PARD3B: variants seen among roughly 807,000 people sequenced by gnomAD.
The protein encoded by PARD3B is partitioning defective 3 homolog B.
In PARD3B, 103 loss-of-function variants were observed where a neutral mutation model predicts 130.2. The ratio of observed to expected loss-of-function variants is 0.79; its 90% confidence interval spans 0.67 to 0.93. PARD3B has a LOEUF of 0.93. Among genes scored for constraint, PARD3B ranks in the 40% least tolerant of loss-of-function variants. The probability of loss-of-function intolerance (pLI) is 0.00; values close to 1 mark genes in which losing one functional copy is unlikely to be tolerated. For synonymous variants in PARD3B, 583 were observed against 553.2 expected (o/e 1.05, Z -0.76); for missense variants, 1,609 against 1,499.2 (o/e 1.07, Z -1.21).
At chr2:204,548,066 AT>A (rs944048175) in intron 1 of PARD3B, among the ~76,000 whole-genome samples, 3 of 152,054 alleles carry the variant, frequency 2.0e-5, no homozygotes, top group African/African-American at 4.8e-5. Flanking sequence ...GTAGGTGATG[AT>A]TTTTCCCCTC....
chr2:205,052,482 G>C (rs894026717), intron 4 of PARD3B, among the ~76,000 whole-genome samples: 2 of 144,356 alleles, frequency 1.4e-5, no homozygotes, highest in African/African-American at 5.1e-5. Context: ...CAGATTTGGG[G>C]GTTGTTAAAT....
At position 204,887,687 on chromosome 2, in the gene PARD3B, G is replaced by C. The variant is rs948500901; in HGVS notation, c.223-77465G>C. 1.3e-5 allele frequency among the ~76,000 whole-genome samples: 2 copies of C among 152,022 alleles called. No individual in the cohort carries two copies. Among genetic ancestry groups the C allele is most frequent in the South Asian group, 2.1e-4 (1 of 4,822 alleles). On this transcript the variant is annotated intron_variant, in intron 2 of 22. Transcript: ENST00000406610. The surrounding 1 kb of genome is among the most constrained non-coding windows in gnomAD (Gnocchi z 4.2). ...TATGCAGCGCCATTTCATACCCTTT[G>C]GGTATTTTAGCAATTTGAAATCACA...
intron 21 of PARD3B, among the ~76,000 whole-genome samples, chr2:205,509,175 T>C (rs2050493464): frequency 6.6e-6 from 1 of 151,982 alleles, no homozygotes; most frequent in African/African-American, 2.4e-5. Flanking sequence ...GTTCCAGAAG[T>C]CCATTTAGAA....
At chr2:204,645,645 C>T (rs968879083) in intron 1 of PARD3B, among the ~76,000 whole-genome samples, 1 of 152,030 alleles carries the variant, frequency 6.6e-6, no homozygotes, top group Non-Finnish European at 1.5e-5. Context: ...ATCATAGTAG[C>T]CCATTCTTGT....
chr2:205,434,849 C>G (rs1438338254), intron 19 of PARD3B, among the ~76,000 whole-genome samples: 1 of 146,676 alleles, frequency 6.8e-6, no homozygotes, highest in African/African-American at 2.5e-5. Flanking sequence ...CATTTTTATT[C>G]ACTACAACTT....
At chr2:205,581,269 T>TAGATATAGATAGATATAGAC (rs2053962164) in intron 22 of PARD3B, among the ~76,000 whole-genome samples, 1 of 139,552 alleles carries the variant, frequency 7.2e-6, no homozygotes, top group Non-Finnish European at 1.5e-5. Context: ...TAGATATAGA[T>TAGATATAGATAGATATAGAC]AGATAGATAT....
chr2:205,598,706 C>T (rs1304165694), intron 22 of PARD3B, among the ~76,000 whole-genome samples: 2 of 152,128 alleles, frequency 1.3e-5, no homozygotes, highest in Non-Finnish European at 2.9e-5. Flanking sequence ...AGATCGGCCA[C>T]GTGCTTGGCC....
intron 21 of PARD3B, among the ~76,000 whole-genome samples, chr2:205,535,140 A>AGAGGATAC (rs2051788808): frequency 6.6e-6 from 1 of 152,204 alleles, no homozygotes; most frequent in African/African-American, 2.4e-5. Context: ...TGTTTCCACC[A>AGAGGATAC]GAGGATACCA....
At chr2:205,371,021 A>G (rs911586673) in intron 18 of PARD3B, among the ~76,000 whole-genome samples, 2 of 152,166 alleles carry the variant, frequency 1.3e-5, no homozygotes, top group African/African-American at 4.8e-5. Context: ...ACCTTCTGTG[A>G]CATTGCTTGG....
chr2:204,960,233 G>A (rs1232901842), intron 2 of PARD3B, among the ~76,000 whole-genome samples: 1 of 152,136 alleles, frequency 6.6e-6, no homozygotes, highest in Non-Finnish European at 1.5e-5. Flanking sequence ...AATCAAAGTG[G>A]TGTATTGGCA....
intron 2 of PARD3B, among the ~76,000 whole-genome samples, chr2:204,879,886 T>G (rs1271317782): frequency 6.6e-6 from 1 of 152,226 alleles, no homozygotes; most frequent in African/African-American, 2.4e-5. Flanking sequence ...AGTGCTGGAT[T>G]GAGTATCCAA....
At position 204,610,384 on chromosome 2, in the gene PARD3B, C is replaced by A. The variant is rs951216889; in HGVS notation, c.120+64265C>A. Among the ~76,000 whole-genome samples the A allele has an allele frequency of 6.6e-6, 1 of 152,214 alleles. No homozygotes were observed. Among genetic ancestry groups the A allele is most frequent in the African/African-American group, 2.4e-5 (1 of 41,450 alleles). On this transcript the variant is annotated intron_variant, in intron 1 of 22. Coordinates refer to ENST00000406610, the MANE Select transcript of PARD3B (RefSeq NM_001302769.2). This position sits in a 1 kb window ranked among gnomAD's most constrained non-coding sequence, Gnocchi z 4.1. The stretch of plus-strand genomic sequence containing the variant: ...TGTTCCCTTGTCCTTTTTATGGAGT[C>A]TCCCTCTGTTGCCTAGGCTGGAGGG...
At chr2:204,896,437 C>T (rs2046643045) in intron 2 of PARD3B, among the ~76,000 whole-genome samples, 1 of 152,106 alleles carries the variant, frequency 6.6e-6, no homozygotes, top group African/African-American at 2.4e-5. Context: ...GCTGAGCTAC[C>T]TCTGCCCGTG....
chr2:205,445,493 G>C (rs2047875939), intron 20 of PARD3B, among the ~76,000 whole-genome samples: 1 of 152,110 alleles, frequency 6.6e-6, no homozygotes, highest in Admixed American at 6.6e-5. Flanking sequence ...TTACATGGCA[G>C]GGGCAGGAGC....
intron 2 of PARD3B, among the ~76,000 whole-genome samples, chr2:204,883,441 A>G (rs1346803655): frequency 4.9e-5 from 5 of 102,094 alleles, no homozygotes; most frequent in African/African-American, 2.5e-4. Context: ...TAAAATATAT[A>G]TATATATATA....
At chr2:205,581,667 C>T (rs1023977241) in intron 22 of PARD3B, among the ~76,000 whole-genome samples, 1 of 151,204 alleles carries the variant, frequency 6.6e-6, no homozygotes, top group Non-Finnish European at 1.5e-5. Flanking sequence ...CCTCAATTAC[C>T]CTGATACGAT....
intron 3 of PARD3B, among the ~76,000 whole-genome samples, chr2:205,024,547 G>A (rs1696873540): frequency 6.6e-6 from 1 of 152,082 alleles, no homozygotes; most frequent in Non-Finnish European, 1.5e-5. Context: ...ACTAGTTGTA[G>A]TGATGTAGGT....
intron 14 of PARD3B, among the ~76,000 whole-genome samples, chr2:205,190,682 G>A (rs1574336352): frequency 6.6e-6 from 1 of 152,156 alleles, no homozygotes; most frequent in African/African-American, 2.4e-5. Context: ...GAGATGAGGT[G>A]ACCTTTAATC....
At position 205,187,445 on chromosome 2, in the gene PARD3B, T is replaced by C. The variant is rs1416967433; in HGVS notation, c.2024+1582T>C. ...CTGGGTTTTTTGTGTGTGTATAACA[T>C]GGATTGGGTGAATGGAAGAGGTTTG... On this transcript the variant is annotated intron_variant, in intron 14 of 22. Coordinates refer to ENST00000406610, the MANE Select transcript of PARD3B (RefSeq NM_001302769.2). This position sits in a 1 kb window ranked among gnomAD's most constrained non-coding sequence, Gnocchi z 4.9. Among the ~76,000 whole-genome samples the C allele has an allele frequency of 1.3e-5, 2 of 152,154 alleles. No individual in the cohort carries two copies. Among genetic ancestry groups the C allele is most frequent in the Non-Finnish European group, 2.9e-5 (2 of 68,032 alleles).
Sources: allele counts gnomAD v4.1 joint callset (sites outside exome capture counted in the v4.1 genomes callset), GRCh38; gene constraint gnomAD v4.1.1; non-coding constraint Gnocchi (gnomAD v3.1); transcripts MANE v1.5; gene names NCBI Gene and HGNC (gene_info 2026-07-23, HGNC 2026-07-21).